NAALADL2: variants seen among roughly 807,000 people sequenced by gnomAD.
NAALADL2 encodes the protein N-acetylated alpha-linked acidic dipeptidase like 2.
In NAALADL2, 76 loss-of-function variants were observed where a neutral mutation model predicts 87.2. That is an observed-to-expected ratio of 0.87 (90% CI 0.72 to 1.05). NAALADL2 has a LOEUF of 1.05. NAALADL2 is among the 50% of genes least tolerant of loss of function. NAALADL2 has a pLI of 0.00. For synonymous variants in NAALADL2, 354 were observed against 331.0 expected (o/e 1.07, Z -0.75); for missense variants, 1,089 against 945.8 (o/e 1.15, Z -1.99).
At chr3:175,253,204 C>CTCTCGTTA (rs1467496088) in intron 3 of NAALADL2, among the ~76,000 whole-genome samples, 15 of 152,280 alleles carry the variant, frequency 9.9e-5, no homozygotes, top group African/African-American at 3.6e-4. Flanking sequence ...GTAAGGCTGA[C>CTCTCGTTA]TCTCGTTAGG....
At chr3:175,338,381 T>C (rs568881824) in intron 5 of NAALADL2, among the ~76,000 whole-genome samples, 4 of 151,846 alleles carry the variant, frequency 2.6e-5, no homozygotes, top group Admixed American at 1.3e-4. Flanking sequence ...AATGGGTCTA[T>C]ATTAAGATGC....
intron 1 of NAALADL2, among the ~76,000 whole-genome samples, chr3:174,960,564 T>C (rs1028333707): frequency 6.6e-6 from 1 of 152,042 alleles, no homozygotes; most frequent in African/African-American, 2.4e-5. Flanking sequence ...TATAAGAAAA[T>C]GTGCCAATAG....
intron 1 of NAALADL2, among the ~76,000 whole-genome samples, chr3:174,965,393 A>T (rs1442633291): frequency 1.3e-5 from 2 of 152,286 alleles, no homozygotes; most frequent in Non-Finnish European, 2.9e-5. Context: ...ATTCGTTAAC[A>T]TTATGTCACT....
At chr3:174,998,409 TAAACTC>T (rs1377722336) in intron 1 of NAALADL2, among the ~76,000 whole-genome samples, 2 of 152,186 alleles carry the variant, frequency 1.3e-5, no homozygotes, top group African/African-American at 2.4e-5. Flanking sequence ...AAACACTTCT[TAAACTC>T]AAGTTCGAGA....
At position 175,324,292 on chromosome 3, in the gene NAALADL2, GGA is replaced by G; in HGVS notation, c.1060_1061del (p.Asp354ProfsTer11). 1 of 1,613,400 alleles carries G rather than the reference GGA, an allele frequency of 6.2e-7. No individual in the cohort carries two copies. Reference protein sequence around the residue: ...DTFMVSLNPGGDPSTPGYPSV... With the variant: ...DTFMVSLNPGXDPSTPGYPSV... ...CTTCATGGTGTCACTGAATCCAGGA[GGA>G]GACCCTTCTACGCCTGGTTACCCAA... On this transcript the variant is annotated frameshift_variant, in exon 5 of 14. Transcript: ENST00000454872. LOFTEE classifies it high-confidence loss of function.
At chr3:175,674,702 A>T (rs1419732000) in intron 11 of NAALADL2, among the ~76,000 whole-genome samples, 1 of 152,124 alleles carries the variant, frequency 6.6e-6, no homozygotes, top group African/African-American at 2.4e-5. Context: ...TTTTATGTTT[A>T]AAAATGAGGA....
In NAALADL2 at chr3:175,734,238, G is replaced by A. The variant is rs115103272; in HGVS notation, c.1897-3068G>A. Among the ~76,000 whole-genome samples the A allele has an allele frequency of 4.4e-3, 663 of 152,268 alleles. 10 individuals are homozygous for A. The highest frequency in any genetic ancestry group is 0.014 in the African/African-American group (599 of 41,560). On this transcript the variant is annotated intron_variant, in intron 11 of 13. Coordinates refer to ENST00000454872, the MANE Select transcript of NAALADL2 (RefSeq NM_207015.3). ...CAAATATTTGCTTGGGCATTCAGGCGTTTCCATACACCTTATGAAATCTAG... is the reference window on the plus strand; with the variant it reads ...CAAATATTTGCTTGGGCATTCAGGCATTTCCATACACCTTATGAAATCTAG...
chr3:174,944,015 G>A (rs1161716903), intron 1 of NAALADL2, among the ~76,000 whole-genome samples: 1 of 152,096 alleles, frequency 6.6e-6, no homozygotes, highest in Non-Finnish European at 1.5e-5. Context: ...TGTAGGAACA[G>A]GCACCCACCT....
intron 4 of NAALADL2, among the ~76,000 whole-genome samples, chr3:175,281,860 T>G (rs1327704039): frequency 6.6e-6 from 1 of 152,032 alleles, no homozygotes; most frequent in East Asian, 1.9e-4. Context: ...ACTTCTTCTC[T>G]GTCACTTAAC....
chr3:174,802,381 G>C (rs1029727958), intron 3 of NAALADL2, among the ~76,000 whole-genome samples: 3 of 152,094 alleles, frequency 2.0e-5, no homozygotes, highest in African/African-American at 7.2e-5. Context: ...AGAAATATAG[G>C]AGAGGAAGTA....
At chr3:175,061,049 A>T (rs1050474708) in intron 1 of NAALADL2, among the ~76,000 whole-genome samples, 7 of 152,216 alleles carry the variant, frequency 4.6e-5, no homozygotes, top group African/African-American at 1.7e-4. Context: ...TCCGTCTCAA[A>T]AAAACAAAAA....
At chr3:174,537,141 G>A (rs1578116164) in intron 1 of NAALADL2, among the ~76,000 whole-genome samples, 1 of 152,102 alleles carries the variant, frequency 6.6e-6, no homozygotes, top group African/African-American at 2.4e-5. Flanking sequence ...CTTACACTGA[G>A]CCATATGCTT....
At chr3:175,511,596 C>T (rs1164768241) in intron 9 of NAALADL2, among the ~76,000 whole-genome samples, 1 of 152,156 alleles carries the variant, frequency 6.6e-6, no homozygotes, top group Non-Finnish European at 1.5e-5. Flanking sequence ...TTGTTTAAGC[C>T]ACCCACTGTG....
At chr3:175,291,662 C>T (rs963076962) in intron 4 of NAALADL2, among the ~76,000 whole-genome samples, 3 of 152,028 alleles carry the variant, frequency 2.0e-5, no homozygotes, top group Admixed American at 6.6e-5. Context: ...CATATAAGAG[C>T]TTTACCCCAA....
intron 1 of NAALADL2, among the ~76,000 whole-genome samples, chr3:174,534,510 A>G (rs1195224373): frequency 3.3e-5 from 5 of 152,202 alleles, no homozygotes; most frequent in African/African-American, 1.2e-4. Context: ...CTTTGGCCTT[A>G]GACTAACTTC....
chr3:174,608,139 C>A (rs1719334170), intron 2 of NAALADL2, among the ~76,000 whole-genome samples: 1 of 151,412 alleles, frequency 6.6e-6, no homozygotes, highest in African/African-American at 2.4e-5. Flanking sequence ...ACACAACATA[C>A]CAGAATCTCT....
intron 1 of NAALADL2, among the ~76,000 whole-genome samples, chr3:174,987,827 T>TATATATAA (rs1222203525): frequency 3.1e-5 from 4 of 130,546 alleles, no homozygotes; most frequent in African/African-American, 1.5e-4. Context: ...TATATATATA[T>TATATATAA]AATGAGACCT....
At chr3:175,200,834 C>T (rs1327784352) in intron 2 of NAALADL2, among the ~76,000 whole-genome samples, 1 of 152,172 alleles carries the variant, frequency 6.6e-6, no homozygotes, top group Non-Finnish European at 1.5e-5. Flanking sequence ...CAAATGCTCC[C>T]ATGGCCTATA....
chr3:174,659,766 T>C (rs549454835), intron 2 of NAALADL2, among the ~76,000 whole-genome samples: 1 of 152,164 alleles, frequency 6.6e-6, no homozygotes, highest in Non-Finnish European at 1.5e-5. Flanking sequence ...CATCTACCCA[T>C]GGTCACGTCT....
Sources: gnomAD v4.1 joint callset for allele counts (sites outside exome capture counted in the v4.1 genomes callset) on GRCh38, gnomAD v4.1.1 for gene constraint, MANE v1.5 for transcripts, NCBI Gene and HGNC (gene_info 2026-07-23, HGNC 2026-07-21) for gene names.